The following SMARCA2 variants were observed in gnomAD, a reference collection of about 807,000 sequenced individuals.
SMARCA2 encodes the protein SWI/SNF-related matrix-associated actin-dependent regulator of chromatin subfamily A member 2.
In SMARCA2, 61 loss-of-function variants were observed where a neutral mutation model predicts 199.8. The observed-to-expected ratio is 0.31, with a 90% CI of 0.25 to 0.38. The LOEUF (loss-of-function observed/expected upper bound fraction) is 0.38. SMARCA2 is among the 10% of genes least tolerant of loss of function. SMARCA2 has a pLI of 1.00. For synonymous variants in SMARCA2, 935 were observed against 732.0 expected, an observed-to-expected ratio of 1.28 and a Z score of -4.48; for missense variants, 1,344 against 2,012.2, an observed-to-expected ratio of 0.67 and a Z score of 6.35.
At position 2,129,387 on chromosome 9, in the gene SMARCA2, C is replaced by A. The variant is rs1419585417; in HGVS notation, c.3981+5450C>A. Among the ~76,000 whole-genome samples, 4 of 152,282 alleles carry A rather than the reference C, an allele frequency of 2.6e-5. No homozygotes were observed. The South Asian group carries it at 8.3e-4, about 32-fold the overall frequency. On this transcript the variant is annotated intron_variant, in intron 27 of 33. Transcript: ENST00000349721. ...GAGCCGAGATCGTGCCATTGCACTC[C>A]TGCCTGGGCGACACAGCGAGACTCC...
chr9:2,025,082 G>T (rs1415760728), intron 1 of SMARCA2, among the ~76,000 whole-genome samples: 1 of 129,454 alleles, frequency 7.7e-6, no homozygotes, highest in Non-Finnish European at 1.5e-5. Context: ...TTCAGCTAAG[G>T]GCAGAGGAGA....
rs1400253844 is a variant in SMARCA2, at chr9:2,073,277, G to A, written c.1812G>A (p.Lys604=). 1.9e-6 allele frequency: 3 copies of A among 1,614,052 alleles called. No individual in the cohort carries two copies. Among genetic ancestry groups the A allele is most frequent in the African/African-American group, 2.7e-5 (2 of 74,918 alleles). The change falls in exon 11 of 34, where the codon AAG becomes AAA. Residue 604 remains lysine, a synonymous_variant. Coordinates refer to ENST00000349721, the MANE Select transcript of SMARCA2 (RefSeq NM_003070.5). ...AAGTGACTCACACAGAAACCGGCAA[G>A]GTTCTGTTCGGACCAGAAGCACCCA... is the stretch of plus-strand genomic sequence containing the variant. ...PVKVTHTETG[K]VLFGPEAPKA...
chr9:2,182,478 CTTTTTTTTTT>C lies in SMARCA2; in HGVS notation c.4461+254_4461+263del, dbSNP rs145095906. 3.4e-3 allele frequency among the ~76,000 whole-genome samples: 331 copies of C among 96,724 alleles called. 1 individual carries two copies. Among genetic ancestry groups the C allele is most frequent in the African/African-American group, 4.6e-3 (124 of 26,972 alleles). 63.5% of individuals were successfully genotyped at this position (96,724 alleles called of 152,430 possible). A position where few individuals can be genotyped will look rare whatever the true frequency, so the allele number is the denominator to read the frequency against. On this transcript the variant is annotated intron_variant, in intron 31 of 33. Transcript: ENST00000349721. ...CACACTTCTTTTCAAAGCTTATAGTCTTTTTTTTTTTTTTTTTTTTTTTTTTTCCTTTTTT... is the reference window on the plus strand; with the variant it reads ...CACACTTCTTTTCAAAGCTTATAGTCTTTTTTTTTTTTTTTTTCCTTTTTT...
At chr9:2,111,753 C>G (rs1001727599) in intron 24 of SMARCA2, among the ~76,000 whole-genome samples, 7 of 152,050 alleles carry the variant, frequency 4.6e-5, no homozygotes, top group African/African-American at 1.4e-4. Context: ...GCCACCGCAC[C>G]CCAGTTTTCT....
chr9:2,039,779 G>GCAGCAGCAGCAA lies in SMARCA2; in HGVS notation c.680_681insACAGCAGCAGCA (p.Gln235_Gln238dup). 1 of 919,688 alleles carries GCAGCAGCAGCAA rather than the reference G, an allele frequency of 1.1e-6. No individual in the cohort carries two copies. Among genetic ancestry groups the GCAGCAGCAGCAA allele is most frequent in the South Asian group, 2.7e-5 (1 of 36,444 alleles). The allele number at this position is 919,688 out of a possible 1,614,324, so 57.0% of individuals were successfully genotyped here. On this transcript the variant is annotated inframe_insertion, in exon 4 of 34. Transcript: ENST00000349721. The surrounding 1 kb of genome is among the most constrained non-coding windows in gnomAD (Gnocchi z 4.8). ...TGCAGCAACAACAGCAGCAGCAACA[G>GCAGCAGCAGCAA]CAGCAGCAGCAGCAGCAGCAGCAGC...
chr9:2,121,879 T>A (rs1586727230), intron 26 of SMARCA2, among the ~76,000 whole-genome samples: 3 of 152,348 alleles, frequency 2.0e-5, no homozygotes, highest in South Asian at 4.1e-4. Context: ...AGCTTTTAGA[T>A]GCTATGTTCT....
At chr9:2,185,262 G>C (rs1341837164) in intron 31 of SMARCA2, among the ~76,000 whole-genome samples, 1 of 152,196 alleles carries the variant, frequency 6.6e-6, no homozygotes, top group Non-Finnish European at 1.5e-5. Context: ...CTTCGTATGA[G>C]TAGAATCATA....
Position 2,074,642 on chromosome 9 carries a change from G to C in SMARCA2, c.1935+1019G>C, listed in dbSNP as rs553381539. 1.4e-4 allele frequency among the ~76,000 whole-genome samples: 22 copies of C among 152,336 alleles called. No homozygotes were observed. The South Asian group carries it at 3.3e-3, about 23-fold the overall frequency. The stretch of plus-strand genomic sequence containing the variant: ...AGCATTTTGGGAAGCTGACGCAGGA[G>C]AATTGCTTGAGTCCAGGAGTTCGAG... On this transcript the variant is annotated intron_variant, in intron 12 of 33. Transcript: ENST00000349721.
Position 2,170,322 on chromosome 9 carries a change from T to G in SMARCA2, c.4200-97T>G. On this transcript the variant is annotated intron_variant, in intron 28 of 33. Transcript: ENST00000349721. The surrounding 1 kb of genome is among the most constrained non-coding windows in gnomAD (Gnocchi z 4.7). ...TAACAAGGCAGGTTGGTGAGGAGAC[T>G]GAGGCTTGGCCAGGTCACCCAGCCT... is the stretch of plus-strand genomic sequence containing the variant. The G allele has an allele frequency of 6.6e-7, 1 of 1,516,950 alleles. No individual in the cohort carries two copies. The highest frequency in any genetic ancestry group is 9.0e-7 in the Non-Finnish European group (1 of 1,109,484). The allele number at this position is 1,516,950 out of a possible 1,614,324, so 94.0% of individuals were successfully genotyped here.
At position 2,181,591 on chromosome 9, in the gene SMARCA2, A is replaced by G. The variant is rs772427840; in HGVS notation, c.4274A>G (p.Glu1425Gly). Reference sequence around the variant, plus strand: ...TACAGTTCAGGGCGACAGCTCAGTGAAGTCTTCATTCAGTTACCTTCAAGG... The same window carrying G: ...TACAGTTCAGGGCGACAGCTCAGTGGAGTCTTCATTCAGTTACCTTCAAGG... ...EGNSSGRQLS[E>G]VFIQLPSRKE... Residue 1425 changes from glutamate to glycine, a missense_variant, in exon 30 of 34, where the codon GAA becomes GGA. Physicochemically the swap from Glu to Gly is moderately conservative, Grantham distance 98. Around this residue, in one of 18 missense-constraint regions of SMARCA2, gnomAD observed 151 missense variants for 154.0 expected, o/e 0.98. Transcript: ENST00000349721. 1 of 1,596,334 alleles carries G rather than the reference A, an allele frequency of 6.3e-7. No homozygotes were observed. The highest frequency in any genetic ancestry group is 8.6e-7 in the Non-Finnish European group (1 of 1,163,720).
At chr9:2,142,452 C>T (rs955423087) in intron 27 of SMARCA2, among the ~76,000 whole-genome samples, 2 of 152,128 alleles carry the variant, frequency 1.3e-5, no homozygotes, top group Non-Finnish European at 2.9e-5. Context: ...GGTATTCTCT[C>T]TCTCTCTCCT....
intron 9 of SMARCA2, among the ~76,000 whole-genome samples, chr9:2,061,477 AGT>A (rs1281998385): frequency 2.6e-5 from 4 of 152,302 alleles, no homozygotes; most frequent in African/African-American, 9.6e-5. Flanking sequence ...CAGTGAGGTG[AGT>A]GTGCACATTG....
At chr9:2,095,088 A>ATTT (rs773120638) in intron 19 of SMARCA2, among the ~76,000 whole-genome samples, 3 of 144,906 alleles carry the variant, frequency 2.1e-5, no homozygotes, top group African/African-American at 2.5e-5. Context: ...AAAAATTAGA[A>ATTT]TTTTTTTTTT....
intron 2 of SMARCA2, among the ~76,000 whole-genome samples, chr9:2,031,060 G>A (rs932708747): frequency 6.6e-5 from 10 of 152,230 alleles, no homozygotes; most frequent in African/African-American, 2.4e-4. Context: ...TACAAATACT[G>A]TGTAAGCACA....
chr9:2,186,550 GT>G (rs1827473306), intron 32 of SMARCA2, among the ~76,000 whole-genome samples: 1 of 152,122 alleles, frequency 6.6e-6, no homozygotes, highest in African/African-American at 2.4e-5. Context: ...CCAGGCCGGA[GT>G]GCAGTGGCAT....
chr9:2,055,240 GT>G (rs1554618415), intron 6 of SMARCA2, among the ~76,000 whole-genome samples: 1 of 152,226 alleles, frequency 6.6e-6, no homozygotes, highest in Non-Finnish European at 1.5e-5. Context: ...AGTTTGGAGT[GT>G]TTGATCACAT....
intron 12 of SMARCA2, among the ~76,000 whole-genome samples, chr9:2,074,241 T>C (rs1821221726): frequency 6.6e-6 from 1 of 150,502 alleles, no homozygotes; most frequent in Non-Finnish European, 1.5e-5. Context: ...TTAATAGAAA[T>C]TGAGAAATAA....
chr9:2,103,915 G>A (rs977513261), intron 22 of SMARCA2, 88 bp from the exon 23 acceptor site: 1 of 1,075,084 alleles, frequency 9.3e-7, no homozygotes, highest in Middle Eastern at 2.2e-4. Flanking sequence ...AGTGTACAAA[G>A]GACTATATGA....
At chr9:2,172,282 A>G (rs543525784) in intron 29 of SMARCA2, among the ~76,000 whole-genome samples, 11 of 152,272 alleles carry the variant, frequency 7.2e-5, no homozygotes, top group African/African-American at 2.6e-4. Flanking sequence ...GCACAATTGG[A>G]AAGAGCTATG....
Sources: gnomAD v4.1 joint callset for allele counts (sites outside exome capture counted in the v4.1 genomes callset) on GRCh38, gnomAD v4.1.1 for gene constraint, gnomAD v4.1.1 regional missense constraint, Gnocchi (gnomAD v3.1) non-coding constraint, MANE v1.5 for transcripts, NCBI Gene and HGNC (gene_info 2026-07-23, HGNC 2026-07-21) for gene names.